Variants in ZMAT4 observed in about 807,000 individuals in gnomAD.
ZMAT4 encodes the protein zinc finger matrin-type 4.
A neutral mutation model predicts 28.7 loss-of-function variants in ZMAT4; 17 were observed. The ratio of observed to expected loss-of-function variants is 0.59; its 90% CI spans 0.41 to 0.89. The LOEUF is 0.89. ZMAT4 is among the 40% of genes least tolerant of loss of function. The pLI, the probability that ZMAT4 is intolerant of heterozygous loss-of-function variation, is 0.00. For missense variants in ZMAT4, 240 were observed against 283.8 expected (o/e 0.85, Z 1.11); for synonymous variants, 117 against 109.2 (o/e 1.07, Z -0.44).
chr8:40,639,628 A>ACACG lies in ZMAT4; in HGVS notation c.577+35075_577+35076insCGTG, dbSNP rs1806932788. 1.0e-4 allele frequency among the ~76,000 whole-genome samples: 3 copies of ACACG among 29,986 alleles called. No homozygotes were observed. The South Asian group carries it at 4.1e-3, about 41-fold the overall frequency. The allele number at this position is 29,986 out of a possible 152,430, so 19.7% of individuals were successfully genotyped here. ...AAAGTGGGTGACAGAAGGCAAGAAC[A>ACACG]CACACACACACACACACACACTCAA... is the stretch of plus-strand genomic sequence containing the variant. On this transcript the variant is annotated intron_variant, in intron 5 of 6. Transcript: ENST00000297737.
At chr8:40,626,339 G>A (rs982712015) in intron 5 of ZMAT4, among the ~76,000 whole-genome samples, 1 of 152,254 alleles carries the variant, frequency 6.6e-6, no homozygotes, top group Admixed American at 6.5e-5. Flanking sequence ...AAATAAGAGT[G>A]TTTCTAGCTT....
chr8:40,711,442 A>G (rs1810617490), intron 3 of ZMAT4, among the ~76,000 whole-genome samples: 2 of 152,326 alleles, frequency 1.3e-5, no homozygotes, highest in East Asian at 1.9e-4. Context: ...CACCATTTAT[A>G]GTCTTGCCAA....
intron 5 of ZMAT4, among the ~76,000 whole-genome samples, chr8:40,600,927 A>T (rs899714530): frequency 3.3e-5 from 5 of 152,152 alleles, no homozygotes; most frequent in African/African-American, 4.8e-5. Context: ...ATGGGTTAGG[A>T]AAAACATCTG....
At chr8:40,865,766 G>A (rs1004876584) in intron 1 of ZMAT4, among the ~76,000 whole-genome samples, 1 of 152,188 alleles carries the variant, frequency 6.6e-6, no homozygotes, top group African/African-American at 2.4e-5. Flanking sequence ...TCCGTCTTCT[G>A]CTGTTTTCAC....
At chr8:40,573,286 C>T (rs1237130377) in intron 6 of ZMAT4, among the ~76,000 whole-genome samples, 1 of 152,176 alleles carries the variant, frequency 6.6e-6, no homozygotes, top group Non-Finnish European at 1.5e-5. Context: ...AAGAATTAGT[C>T]ACAACCTCTG....
intron 5 of ZMAT4, among the ~76,000 whole-genome samples, chr8:40,642,261 A>C (rs10094304): frequency 0.29 from 43,737 of 152,084 alleles, 6,415 homozygotes; most frequent in Admixed American, 0.38. Context: ...GGCCATAAAA[A>C]AATTCATACC....
chr8:40,687,778 G>A (rs1235833024), intron 4 of ZMAT4, among the ~76,000 whole-genome samples: 1 of 152,156 alleles, frequency 6.6e-6, no homozygotes, highest in Non-Finnish European at 1.5e-5. Flanking sequence ...AACTGAAAAT[G>A]AAAGGCCAGG....
chr8:40,774,543 A>G (rs1813509431), intron 2 of ZMAT4, among the ~76,000 whole-genome samples: 1 of 152,058 alleles, frequency 6.6e-6, no homozygotes. Flanking sequence ...AGAGACATGT[A>G]TTTCCATTTA....
intron 5 of ZMAT4, among the ~76,000 whole-genome samples, chr8:40,594,632 G>A (rs1313353216): frequency 1.3e-5 from 2 of 152,196 alleles, no homozygotes; most frequent in African/African-American, 4.8e-5. Flanking sequence ...CTCAATCAGT[G>A]TAAACTATGA....
intron 6 of ZMAT4, among the ~76,000 whole-genome samples, chr8:40,564,235 C>T (rs566879930): frequency 1.3e-5 from 2 of 152,086 alleles, no homozygotes; most frequent in Non-Finnish European, 2.9e-5. Context: ...GGAATGTGTT[C>T]ATGTAGGAGA....
intron 6 of ZMAT4, among the ~76,000 whole-genome samples, chr8:40,534,990 G>A (rs1042479411): frequency 1.3e-5 from 2 of 152,082 alleles, no homozygotes; most frequent in Admixed American, 6.5e-5. Flanking sequence ...GCCCACATTT[G>A]CTACCTTTCT....
intron 6 of ZMAT4, among the ~76,000 whole-genome samples, chr8:40,570,338 T>A (rs1804055617): frequency 6.6e-6 from 1 of 151,730 alleles, no homozygotes; most frequent in South Asian, 2.1e-4. Context: ...TCAAAACCCA[T>A]CAAATTGTAT....
chr8:40,779,394 G>A (rs557122823), intron 2 of ZMAT4, among the ~76,000 whole-genome samples: 1 of 152,066 alleles, frequency 6.6e-6, no homozygotes, highest in South Asian at 2.1e-4. Flanking sequence ...AGAGCTCTAT[G>A]TCATGCCTCT....
At chr8:40,629,871 G>A (rs1299001608) in intron 5 of ZMAT4, among the ~76,000 whole-genome samples, 5 of 152,216 alleles carry the variant, frequency 3.3e-5, no homozygotes, top group Middle Eastern at 3.4e-3. Context: ...AAACATACGT[G>A]TGCATGTGTC....
chr8:40,603,786 G>A (rs141321531), intron 5 of ZMAT4, among the ~76,000 whole-genome samples: 10,738 of 151,934 alleles, frequency 0.071, 504 homozygotes, highest in Non-Finnish European at 0.11. Flanking sequence ...CTGCCACCAT[G>A]TCCAGCTAAT....
chr8:40,564,349 C>T lies in ZMAT4; in HGVS notation c.674+16816G>A, dbSNP rs190881665. Among the ~76,000 whole-genome samples the T allele has an allele frequency of 4.1e-3, 631 of 152,234 alleles. 3 individuals carry two copies. Among genetic ancestry groups the T allele is most frequent in the African/African-American group, 0.014 (600 of 41,542 alleles). On this transcript the variant is annotated intron_variant, in intron 6 of 6. Transcript: ENST00000297737. ...CTACAGGATTGCCCAACCCTGGACC[C>T]TAAAAGGCCAAGATTTTCATTGCTG...
chr8:40,547,013 T>A (rs141019101), intron 6 of ZMAT4, among the ~76,000 whole-genome samples: 104 of 152,286 alleles, frequency 6.8e-4, no homozygotes, highest in African/African-American at 2.0e-3. Flanking sequence ...GCAATCATGA[T>A]AAAGAGTGAC....
At chr8:40,667,863 AC>A (rs1808495044) in intron 5 of ZMAT4, among the ~76,000 whole-genome samples, 2 of 151,460 alleles carry the variant, frequency 1.3e-5, no homozygotes, top group African/African-American at 4.8e-5. Context: ...AAAAAAAAAA[AC>A]CAAGAAAAAG....
At chr8:40,678,207 T>G (rs1808992114) in intron 4 of ZMAT4, among the ~76,000 whole-genome samples, 1 of 152,202 alleles carries the variant, frequency 6.6e-6, no homozygotes, top group South Asian at 2.1e-4. Flanking sequence ...GGAGCTAGTT[T>G]TGCTGTAGGC....
Sources: gnomAD v4.1 joint callset for allele counts (sites outside exome capture counted in the v4.1 genomes callset) on GRCh38, gnomAD v4.1.1 for gene constraint, MANE v1.5 for transcripts, NCBI Gene and HGNC (gene_info 2026-07-23, HGNC 2026-07-21) for gene names.